SH3BGRL2: variants seen among roughly 807,000 people sequenced by gnomAD.
SH3BGRL2 encodes the protein SH3 domain binding glutamate rich protein like 2.
Under a neutral mutation model 14.8 loss-of-function variants are expected in SH3BGRL2, and 21 were observed. That is an observed-to-expected ratio of 1.42 (90% confidence interval 1.01 to 2.05). The LOEUF (loss-of-function observed/expected upper bound fraction) is 2.05, where lower values mean the gene tolerates loss of function less well. SH3BGRL2 is among the 30% of genes most tolerant of loss of function. SH3BGRL2 has a pLI of 0.00. For synonymous variants in SH3BGRL2, 50 were observed against 47.8 expected, an observed-to-expected ratio of 1.05 and a Z score of -0.19; for missense variants, 147 against 130.8, an observed-to-expected ratio of 1.12 and a Z score of -0.61.
At chr6:79,661,071 C>A (rs1462948619) in intron 1 of SH3BGRL2, among the ~76,000 whole-genome samples, 3 of 152,054 alleles carry the variant, frequency 2.0e-5, no homozygotes, top group African/African-American at 7.2e-5. Context: ...TTGATCATTT[C>A]AAAAAACCAG....
chr6:79,580,880 A>G, the SH3BGRL2 span, among the ~76,000 whole-genome samples: 23 of 152,204 alleles, frequency 1.5e-4, no homozygotes, highest in Admixed American at 1.5e-3. Flanking sequence ...AACAAAATTG[A>G]TAGACCGCTA....
At chr6:79,620,131 C>A in the SH3BGRL2 span, among the ~76,000 whole-genome samples, 1 of 151,944 alleles carries the variant, frequency 6.6e-6, no homozygotes, top group Admixed American at 6.6e-5. Context: ...TTCCATTTAC[C>A]GTTCTCATAG....
the SH3BGRL2 span, among the ~76,000 whole-genome samples, chr6:79,589,311 G>C: frequency 3.3e-5 from 5 of 150,840 alleles, no homozygotes; most frequent in Non-Finnish European, 5.9e-5. Context: ...AACTATAAAA[G>C]ATAAACTAAT....
At chr6:79,576,280 A>C in the SH3BGRL2 span, among the ~76,000 whole-genome samples, 4 of 152,018 alleles carry the variant, frequency 2.6e-5, no homozygotes, top group Admixed American at 2.6e-4. Flanking sequence ...CTTGAATCTC[A>C]CTGTGTTTCT....
At chr6:79,677,241 C>T (rs1769903743) in intron 2 of SH3BGRL2, among the ~76,000 whole-genome samples, 1 of 152,090 alleles carries the variant, frequency 6.6e-6, no homozygotes, top group East Asian at 1.9e-4. Flanking sequence ...TGACACGATC[C>T]AGAAAGCTTG....
Position 79,699,492 on chromosome 6 carries a change from T to TTTA in SH3BGRL2, c.313-5_313-4insTAT. On this transcript the variant is annotated splice_polypyrimidine_tract_variant and splice_region_variant and intron_variant, in intron 3 of 3. Coordinates refer to ENST00000369838, the MANE Select transcript of SH3BGRL2 (RefSeq NM_031469.4). ...TTTTTTTTTTTTTTTTTTTTTTTTTTTATAGGCAGAACCTTAGAGAAGAAG... is the reference window on the plus strand; with the variant it reads ...TTTTTTTTTTTTTTTTTTTTTTTTTTTTATATAGGCAGAACCTTAGAGAAGAAG... The TTTA allele has an allele frequency of 3.4e-6, 5 of 1,471,410 alleles. No homozygotes were observed. In the South Asian group the frequency reaches 5.5e-5, roughly 16 times the overall value. The allele number at this position is 1,471,410 out of a possible 1,614,324, so 91.1% of individuals were successfully genotyped here. A position where few individuals can be genotyped will look rare whatever the true frequency, so the allele number is the denominator to read the frequency against.
the SH3BGRL2 span, among the ~76,000 whole-genome samples, chr6:79,556,703 A>G: frequency 6.6e-6 from 1 of 151,998 alleles, no homozygotes; most frequent in East Asian, 1.9e-4. Flanking sequence ...CAAGCACACA[A>G]TTCTTACAGA....
In SH3BGRL2 at chr6:79,699,556, G is replaced by A. The variant is rs918816278; in HGVS notation, c.*47G>A. The A allele has an allele frequency of 2.6e-6, 4 of 1,518,432 alleles. No individual in the cohort carries two copies. In the African/African-American group the frequency reaches 4.4e-5, roughly 17 times the overall value. The allele number at this position is 1,518,432 out of a possible 1,614,324, so 94.1% of individuals were successfully genotyped here. The stretch of plus-strand genomic sequence containing the variant: ...GGAGATGCATTTTGAAGCACCCCTG[G>A]TACTCAGCACACACATGCTTACCTA... On this transcript the variant is annotated 3_prime_UTR_variant, in exon 4 of 4. Transcript: ENST00000369838.
At chr6:79,638,659 T>C (rs567187659) in intron 1 of SH3BGRL2, among the ~76,000 whole-genome samples, 1 of 152,264 alleles carries the variant, frequency 6.6e-6, no homozygotes, top group East Asian at 1.9e-4. Context: ...GAGATGCAAT[T>C]TCATTATCAT....
chr6:79,682,540 AAC>A (rs1318445426), intron 2 of SH3BGRL2, among the ~76,000 whole-genome samples: 1 of 152,156 alleles, frequency 6.6e-6, no homozygotes, highest in Non-Finnish European at 1.5e-5. Context: ...AGAAAATGCT[AAC>A]ATATCTCCTT....
the SH3BGRL2 span, among the ~76,000 whole-genome samples, chr6:79,537,788 G>T: frequency 6.6e-6 from 1 of 152,114 alleles, no homozygotes; most frequent in Non-Finnish European, 1.5e-5. Flanking sequence ...GATTTCCTTT[G>T]GGAAATAACT....
chr6:79,572,740 C>T, the SH3BGRL2 span, among the ~76,000 whole-genome samples: 2 of 152,190 alleles, frequency 1.3e-5, no homozygotes, highest in African/African-American at 4.8e-5. Context: ...GCTGGGATTA[C>T]AGGCGTGAGC....
At chr6:79,607,137 C>T in the SH3BGRL2 span, among the ~76,000 whole-genome samples, 2 of 152,250 alleles carry the variant, frequency 1.3e-5, no homozygotes, top group East Asian at 1.9e-4. Flanking sequence ...TGTTTGGTTC[C>T]GAGGTCATTG....
At chr6:79,641,168 G>C (rs1769026900) in intron 1 of SH3BGRL2, among the ~76,000 whole-genome samples, 1 of 151,230 alleles carries the variant, frequency 6.6e-6, no homozygotes, top group Non-Finnish European at 1.5e-5. Context: ...GTGTGTGTGT[G>C]TGTGTGTGTG....
intron 2 of SH3BGRL2, among the ~76,000 whole-genome samples, chr6:79,684,340 C>A (rs903118238): frequency 6.6e-6 from 1 of 152,110 alleles, no homozygotes; most frequent in Non-Finnish European, 1.5e-5. Context: ...TCATGCCCAG[C>A]AAACTTGTGC....
At chr6:79,615,494 C>T in the SH3BGRL2 span, among the ~76,000 whole-genome samples, 1 of 152,170 alleles carries the variant, frequency 6.6e-6, no homozygotes, top group Non-Finnish European at 1.5e-5. Flanking sequence ...TGGTTCTACA[C>T]CTTTACAAGA....
intron 1 of SH3BGRL2, among the ~76,000 whole-genome samples, chr6:79,664,753 G>A (rs1297016557): frequency 3.3e-5 from 5 of 152,158 alleles, no homozygotes. Flanking sequence ...GCTATTCCAG[G>A]AAACCAATGG....
chr6:79,671,112 A>G (rs934032387), intron 1 of SH3BGRL2, among the ~76,000 whole-genome samples: 1 of 152,084 alleles, frequency 6.6e-6, no homozygotes, highest in Non-Finnish European at 1.5e-5. Context: ...TTTGCTTCCA[A>G]GGGTGTTTAA....
the SH3BGRL2 span, among the ~76,000 whole-genome samples, chr6:79,539,103 A>G: frequency 6.6e-6 from 1 of 152,220 alleles, no homozygotes; most frequent in Non-Finnish European, 1.5e-5. Context: ...GGATTCTTAC[A>G]GTGTGCAATT....
Sources: allele counts gnomAD v4.1 joint callset (sites outside exome capture counted in the v4.1 genomes callset), GRCh38; gene constraint gnomAD v4.1.1; transcripts MANE v1.5; gene names NCBI Gene and HGNC (gene_info 2026-07-23, HGNC 2026-07-21).